The following HABP2 variants were observed in gnomAD, a reference collection of about 807,000 sequenced individuals.
HABP2 encodes the protein factor VII-activating protease.
Under a neutral mutation model 66.5 loss-of-function variants are expected in HABP2, and 65 were observed. That is an observed-to-expected ratio of 0.98 (90% CI 0.80 to 1.20). The LOEUF (loss-of-function observed/expected upper bound fraction) is 1.20, where lower values mean the gene tolerates loss of function less well. Among genes scored for constraint, HABP2 ranks in the 50% most tolerant of loss-of-function variants. The pLI is 0.00. For missense variants in HABP2, 786 were observed against 691.0 expected, an observed-to-expected ratio of 1.14 and a Z score of -1.54; for synonymous variants, 263 against 253.9, an observed-to-expected ratio of 1.04 and a Z score of -0.34.
intron 2 of HABP2, among the ~76,000 whole-genome samples, chr10:113,570,833 T>A (rs1026943776): frequency 1.3e-5 from 2 of 152,172 alleles, no homozygotes; most frequent in African/African-American, 4.8e-5. Flanking sequence ...TAACTACAGG[T>A]AGGGCTTTGT....
At position 113,588,981 on chromosome 10, in the gene HABP2, C is replaced by T; in HGVS notation, c.*612C>T. On this transcript the variant is annotated 3_prime_UTR_variant, in exon 13 of 13. Transcript: ENST00000351270. ...GAATCAGGGTGGACATGGCTCACAA[C>T]AGCAGGGCCTTCTTCTTTTTGACGT... 1.2e-6 allele frequency: 2 copies of T among 1,613,088 alleles called. No individual in the cohort carries two copies. The highest frequency in any genetic ancestry group is 1.7e-4 in the Middle Eastern group (1 of 6,058).
chr10:113,563,477 G>A (rs1319670172), intron 1 of HABP2, among the ~76,000 whole-genome samples: 4 of 152,216 alleles, frequency 2.6e-5, no homozygotes, highest in African/African-American at 9.6e-5. Context: ...GACACTGTGA[G>A]TCACAAAATG....
chr10:113,556,053 TC>T (rs11196372), intron 1 of HABP2, among the ~76,000 whole-genome samples: 36,731 of 151,840 alleles, frequency 0.24, 5,620 homozygotes, highest in East Asian at 0.49. Flanking sequence ...GCTTCTCCTC[TC>T]CCCTGCAAAG....
intron 1 of HABP2, among the ~76,000 whole-genome samples, chr10:113,557,071 G>A (rs766477623): frequency 3.3e-5 from 5 of 152,222 alleles, no homozygotes; most frequent in Middle Eastern, 3.4e-3. Flanking sequence ...AGTTTGGGAT[G>A]GGCAAGTGAC....
chr10:113,574,459 G>C (rs978762380), intron 3 of HABP2, 54 bp downstream of exon 3: 2 of 875,332 alleles, frequency 2.3e-6, no homozygotes, highest in East Asian at 4.9e-5. Flanking sequence ...AGAGCGGAGT[G>C]TATGTGGGAC....
In HABP2 at chr10:113,588,937, T is replaced by A. The variant is rs373760059; in HGVS notation, c.*568T>A. ...TGAAGCCTGTCTCTGGTGAACAAAC[T>A]TCCTCTCTGGCCTCTCAGGAATCAG... On this transcript the variant is annotated 3_prime_UTR_variant, in exon 13 of 13. Transcript: ENST00000351270. The A allele has an allele frequency of 1.9e-6, 3 of 1,544,220 alleles. No homozygotes were observed. Among genetic ancestry groups the A allele is most frequent in the African/African-American group, 2.7e-5 (2 of 72,912 alleles).
upstream of HABP2, chr10:113,551,091 A>G (rs1844890543): frequency 6.6e-6 from 1 of 152,228 alleles, no homozygotes; most frequent in Non-Finnish European, 1.5e-5. Context: ...TATCTAAGGC[A>G]TCCTGGTGAT....
At chr10:113,575,467 T>C (rs1175766163) in intron 3 of HABP2, among the ~76,000 whole-genome samples, 1 of 152,212 alleles carries the variant, frequency 6.6e-6, no homozygotes, top group African/African-American at 2.4e-5. Flanking sequence ...GGGTGGGTTT[T>C]CTTTCCCCAC....
rs11575757 is a variant in HABP2, at chr10:113,578,347, A to T, written c.568+202A>T. 0.013 allele frequency among the ~76,000 whole-genome samples: 2,050 copies of T among 152,264 alleles called. 57 individuals carry two copies. Among genetic ancestry groups the T allele is most frequent in the African/African-American group, 0.047 (1,950 of 41,554 alleles). On this transcript the variant is annotated intron_variant, in intron 6 of 12. Transcript: ENST00000351270. Reference sequence around the variant, plus strand: ...GGGTGTAGTGCAGGCAAGTCAAACCACTTGGGCATCCCTAGGCCCTAGCCC... The same window carrying T: ...GGGTGTAGTGCAGGCAAGTCAAACCTCTTGGGCATCCCTAGGCCCTAGCCC...
chr10:113,584,462 T>A (rs1845598018), intron 11 of HABP2, among the ~76,000 whole-genome samples, 180 bp downstream of exon 11: 1 of 152,206 alleles, frequency 6.6e-6, no homozygotes, highest in African/African-American at 2.4e-5. Flanking sequence ...CAGGGAGCCT[T>A]CCCTGAGTTT....
At chr10:113,564,443 A>T (rs1319861708) in intron 1 of HABP2, among the ~76,000 whole-genome samples, 1 of 152,056 alleles carries the variant, frequency 6.6e-6, no homozygotes, top group Non-Finnish European at 1.5e-5. Context: ...CTAAGGCCTA[A>T]GCTGCCCTTC....
chr10:113,578,514 G>A, intron 6 of HABP2, 113 bp from the exon 7 acceptor site: 2 of 723,296 alleles, frequency 2.8e-6, no homozygotes, highest in African/African-American at 1.8e-5. Flanking sequence ...AAATCTCAGG[G>A]CGATAAATAT....
chr10:113,555,681 G>C (rs566085815), intron 1 of HABP2, among the ~76,000 whole-genome samples: 1 of 152,272 alleles, frequency 6.6e-6, no homozygotes, highest in African/African-American at 2.4e-5. Flanking sequence ...GTGCCTTGCT[G>C]TTCTACTCGA....
chr10:113,551,397 G>C (rs1237915033), upstream of HABP2, among the ~76,000 whole-genome samples: 1 of 152,232 alleles, frequency 6.6e-6, no homozygotes, highest in African/African-American at 2.4e-5. Context: ...GCATTAACTA[G>C]GAGAGTTAAC....
chr10:113,556,568 A>C (rs1311935549), intron 1 of HABP2, among the ~76,000 whole-genome samples: 1 of 152,066 alleles, frequency 6.6e-6, no homozygotes, highest in Non-Finnish European at 1.5e-5. Context: ...TTTTTAAATT[A>C]AGCGGGTGTG....
At chr10:113,563,837 G>A (rs1413859847) in intron 1 of HABP2, among the ~76,000 whole-genome samples, 6 of 152,262 alleles carry the variant, frequency 3.9e-5, no homozygotes, top group Admixed American at 2.6e-4. Context: ...GAATTCGTAG[G>A]GAATCTCCAA....
rs143940686 is a variant in HABP2 at position 113,562,288 on chromosome 10, G to A, written c.70-5201G>A. On this transcript the variant is annotated intron_variant, in intron 1 of 12. Coordinates refer to ENST00000351270, the MANE Select transcript of HABP2 (RefSeq NM_004132.5). ...GTGGGAGAAGTGGGCAGTGGCTTAC[G>A]TGCCTTTTGATCTGAGTGAAGATGT... 1.5e-3 allele frequency among the ~76,000 whole-genome samples: 231 copies of A among 152,288 alleles called. 1 individual carries two copies. The highest frequency in any genetic ancestry group is 5.0e-3 in the African/African-American group (209 of 41,546).
intron 11 of HABP2, among the ~76,000 whole-genome samples, chr10:113,585,045 C>T (rs1035507267): frequency 6.6e-5 from 10 of 152,286 alleles, no homozygotes; most frequent in South Asian, 4.2e-4. Flanking sequence ...GCGAGAATCA[C>T]GATAAATAAG....
At chr10:113,573,152 A>G (rs915501474) in intron 2 of HABP2, among the ~76,000 whole-genome samples, 10 of 152,168 alleles carry the variant, frequency 6.6e-5, no homozygotes, top group African/African-American at 2.4e-4. Flanking sequence ...CCGACTTGCC[A>G]TACTCCAGCC....
Sources: allele counts gnomAD v4.1 joint callset (sites outside exome capture counted in the v4.1 genomes callset), GRCh38; gene constraint gnomAD v4.1.1; transcripts MANE v1.5; gene names NCBI Gene and HGNC (gene_info 2026-07-23, HGNC 2026-07-21).